The following GABRG3 variants were observed in gnomAD, a reference collection of about 807,000 sequenced individuals.
GABRG3 encodes gamma-aminobutyric acid type A receptor subunit gamma3.
Under a neutral mutation model 48.8 loss-of-function variants are expected in GABRG3, and 25 were observed. The observed-to-expected ratio is 0.51, with a 90% CI of 0.37 to 0.72. GABRG3 has a LOEUF of 0.72. Among genes scored for constraint, GABRG3 ranks in the 30% least tolerant of loss-of-function variants. The pLI, the probability that GABRG3 is intolerant of heterozygous loss-of-function variation, is 0.00. For synonymous variants in GABRG3, 227 were observed against 217.6 expected, an observed-to-expected ratio of 1.04 and a Z score of -0.38; for missense variants, 394 against 577.9, an observed-to-expected ratio of 0.68 and a Z score of 3.26.
chr15:27,505,963 T>G (rs972654045), intron 6 of GABRG3, among the ~76,000 whole-genome samples: 2 of 152,244 alleles, frequency 1.3e-5, no homozygotes, highest in Non-Finnish European at 2.9e-5. Flanking sequence ...TATTTCTTCT[T>G]GAGTGAGTCT....
intron 3 of GABRG3, among the ~76,000 whole-genome samples, chr15:27,199,218 G>T (rs1386260525): frequency 6.6e-6 from 1 of 152,172 alleles, no homozygotes; most frequent in East Asian, 1.9e-4. Context: ...AGACTGCTTT[G>T]TTTTTTATTG....
In GABRG3 at chr15:26,976,810, C is replaced by A. The variant is rs1894957325; in HGVS notation, c.54-192C>A. Among the ~76,000 whole-genome samples the A allele has an allele frequency of 6.6e-6, 1 of 152,162 alleles. No homozygotes were observed. Among genetic ancestry groups the A allele is most frequent in the Non-Finnish European group, 1.5e-5 (1 of 68,022 alleles). ...ATACCATGTTAATAGCAGTAGCATT[C>A]TTCCTATGGAATCATTCGTATTTTG... On this transcript the variant is annotated intron_variant, in intron 1 of 9. Coordinates refer to ENST00000615808, the MANE Select transcript of GABRG3 (RefSeq NM_033223.5). The surrounding 1 kb of genome is among the most constrained non-coding windows in gnomAD (Gnocchi z 7.8).
At chr15:27,387,960 G>A (rs1188145714) in intron 5 of GABRG3, among the ~76,000 whole-genome samples, 1 of 84,660 alleles carries the variant, frequency 1.2e-5, no homozygotes, top group African/African-American at 4.4e-5. Flanking sequence ...GGGAGGGAGG[G>A]GAAGAAAGGA....
At chr15:27,081,204 C>G (rs1012196525) in intron 3 of GABRG3, among the ~76,000 whole-genome samples, 7 of 152,076 alleles carry the variant, frequency 4.6e-5, no homozygotes, top group Non-Finnish European at 8.8e-5. Flanking sequence ...TGCTGCCCCC[C>G]ACAAACAGGT....
Position 27,039,822 on chromosome 15 carries a change from C to T in GABRG3, c.270+13001C>T, listed in dbSNP as rs571768525. 1.2e-4 allele frequency among the ~76,000 whole-genome samples: 19 copies of T among 152,306 alleles called. 1 individual carries two copies. The Middle Eastern group carries it at 0.017, about 136-fold the overall frequency. ...CACCCCTCGCTGTCACCCCGCGGTC[C>T]GCCATTGAGGTTGCGTTGATGTTCC... On this transcript the variant is annotated intron_variant, in intron 3 of 9. Coordinates refer to ENST00000615808, the MANE Select transcript of GABRG3 (RefSeq NM_033223.5).
At chr15:27,270,730 C>G (rs1891057201) in intron 3 of GABRG3, among the ~76,000 whole-genome samples, 2 of 152,068 alleles carry the variant, frequency 1.3e-5, no homozygotes, top group African/African-American at 4.8e-5. Context: ...AGATGTAACT[C>G]TAAGAGTTAT....
At chr15:27,148,527 C>A (rs1745839188) in intron 3 of GABRG3, among the ~76,000 whole-genome samples, 1 of 151,872 alleles carries the variant, frequency 6.6e-6, no homozygotes, top group Non-Finnish European at 1.5e-5. Context: ...GATCTCCAAG[C>A]CAAAGACATC....
At chr15:27,334,941 G>A (rs143886462) in intron 5 of GABRG3, among the ~76,000 whole-genome samples, 1 of 152,310 alleles carries the variant, frequency 6.6e-6, no homozygotes, top group East Asian at 1.9e-4. Context: ...CTTGTCATGA[G>A]GTTGAAAAGG....
chr15:27,193,515 C>T (rs1031101638), intron 3 of GABRG3, among the ~76,000 whole-genome samples: 4 of 151,990 alleles, frequency 2.6e-5, no homozygotes, highest in African/African-American at 9.6e-5. Flanking sequence ...GCGTAGGACC[C>T]TCCGAGCCAG....
intron 6 of GABRG3, among the ~76,000 whole-genome samples, chr15:27,514,790 T>G (rs541272806): frequency 1.3e-5 from 2 of 152,122 alleles, no homozygotes; most frequent in Non-Finnish European, 2.9e-5. Flanking sequence ...ACACACAGAT[T>G]CATACAGATA....
rs928371217 is a variant in GABRG3 at position 27,281,640 on chromosome 15, T to C, written c.271-45169T>C. Among the ~76,000 whole-genome samples, 6 of 151,804 alleles carry C rather than the reference T, an allele frequency of 4.0e-5. No individual in the cohort carries two copies. The East Asian group carries it at 9.6e-4, about 24-fold the overall frequency. On this transcript the variant is annotated intron_variant, in intron 3 of 9. Transcript: ENST00000615808. ...TTCGGACACTGTACTTTTCCTACTTTGATTTAAATATAGAAATATTACTTT... is the reference window on the plus strand; with the variant it reads ...TTCGGACACTGTACTTTTCCTACTTCGATTTAAATATAGAAATATTACTTT...
At chr15:27,117,118 T>C (rs1321431710) in intron 3 of GABRG3, among the ~76,000 whole-genome samples, 3 of 152,184 alleles carry the variant, frequency 2.0e-5, no homozygotes, top group Non-Finnish European at 4.4e-5. Flanking sequence ...TAGCTCAAGG[T>C]CACAAAGCTA....
intron 3 of GABRG3, among the ~76,000 whole-genome samples, chr15:27,095,560 T>G (rs1270933025): frequency 1.3e-5 from 2 of 152,154 alleles, no homozygotes; most frequent in Non-Finnish European, 2.9e-5. Context: ...CCTCATAATT[T>G]AATTATTTGT....
At chr15:27,350,584 C>T (rs1329979665) in intron 5 of GABRG3, among the ~76,000 whole-genome samples, 3 of 152,152 alleles carry the variant, frequency 2.0e-5, no homozygotes, top group African/African-American at 7.2e-5. Context: ...AAACCCCCTC[C>T]TCTCTACGTC....
chr15:27,201,636 G>A (rs918568551), intron 3 of GABRG3, among the ~76,000 whole-genome samples: 4 of 152,036 alleles, frequency 2.6e-5, no homozygotes, highest in African/African-American at 9.7e-5. Context: ...ATCCCTATAG[G>A]GTGTGTAGGA....
At chr15:27,348,731 A>C (rs994412989) in intron 5 of GABRG3, among the ~76,000 whole-genome samples, 1 of 152,216 alleles carries the variant, frequency 6.6e-6, no homozygotes, top group South Asian at 2.1e-4. Context: ...TATTACTCCT[A>C]TCATGGGAAA....
chr15:27,116,320 T>C (rs1449223522), intron 3 of GABRG3, among the ~76,000 whole-genome samples: 2 of 152,180 alleles, frequency 1.3e-5, no homozygotes, highest in African/African-American at 4.8e-5. Flanking sequence ...TCCTTCTTCA[T>C]TTTTTCCGTA....
chr15:27,192,352 T>A (rs1288210499), intron 3 of GABRG3, among the ~76,000 whole-genome samples: 1 of 152,250 alleles, frequency 6.6e-6, no homozygotes, highest in Non-Finnish European at 1.5e-5. Context: ...CCTGTCACTT[T>A]CAGGTACACC....
chr15:27,467,774 G>A (rs1566854513), intron 5 of GABRG3, among the ~76,000 whole-genome samples: 1 of 152,184 alleles, frequency 6.6e-6, no homozygotes, highest in African/African-American at 2.4e-5. Flanking sequence ...TAAAGTAAAT[G>A]GTACATTGTA....
Sources: allele counts gnomAD v4.1 joint callset (sites outside exome capture counted in the v4.1 genomes callset), GRCh38; gene constraint gnomAD v4.1.1; non-coding constraint Gnocchi (gnomAD v3.1); transcripts MANE v1.5; gene names NCBI Gene and HGNC (gene_info 2026-07-23, HGNC 2026-07-21).